The following COX7A2L variants were observed in gnomAD, a reference collection of about 807,000 sequenced individuals.
COX7A2L encodes the protein cytochrome c oxidase subunit 7A2-like, mitochondrial.
A neutral mutation model predicts 14.2 loss-of-function variants in COX7A2L; 18 were observed. The observed-to-expected ratio is 1.27, with a 90% CI of 0.88 to 1.88. COX7A2L has a LOEUF of 1.88. Ranked by LOEUF, COX7A2L falls within the 40% of genes most tolerant of loss-of-function variation. The pLI is 0.00. For synonymous variants in COX7A2L, 65 were observed against 57.4 expected, an observed-to-expected ratio of 1.13 and a Z score of -0.60; for missense variants, 179 against 138.8, an observed-to-expected ratio of 1.29 and a Z score of -1.46.
At chr2:42,337,840 ACT>A (rs1311514003) in intron 2 of COX7A2L, among the ~76,000 whole-genome samples, 4 of 151,746 alleles carry the variant, frequency 2.6e-5, no homozygotes, top group East Asian at 3.9e-4. Context: ...GCCTTTTGAA[ACT>A]CTCCCTGCAC....
At chr2:42,362,761 G>T (rs1671086474), upstream of COX7A2L, among the ~76,000 whole-genome samples, 1 of 151,680 alleles carries the variant, frequency 6.6e-6, no homozygotes, top group Non-Finnish European at 1.5e-5. Context: ...GCCCAAAGTT[G>T]CCACTTTTAC....
At chr2:42,367,942 G>A (rs1354427172) in intron 1 of COX7A2L, among the ~76,000 whole-genome samples, 3 of 152,176 alleles carry the variant, frequency 2.0e-5, no homozygotes, top group Non-Finnish European at 2.9e-5. Context: ...ATGCATATTG[G>A]AGAATAACCA....
At chr2:42,360,967 A>G in intron 1 of COX7A2L, 123 bp downstream of exon 1, 1 of 981,168 alleles carries the variant, frequency 1.0e-6, no homozygotes, top group Non-Finnish European at 1.6e-6. Context: ...GGGAGGTGCA[A>G]GGAGAACAGA....
In COX7A2L at chr2:42,351,109, T is replaced by C. The variant is rs1173921630; in HGVS notation, c.*110A>G. On this transcript the variant is annotated 3_prime_UTR_variant, in exon 3 of 3. Coordinates refer to ENST00000234301, the MANE Select transcript of COX7A2L (RefSeq NM_004718.4). The stretch of plus-strand genomic sequence containing the variant: ...TCATCTTCATATCTTCCTATTTTTC[T>C]TGCAAAAATGTTAAGCCATCCAAGT... 8 of 1,211,856 alleles carry C rather than the reference T, an allele frequency of 6.6e-6. No homozygotes were observed. In the African/African-American group the frequency reaches 1.1e-4, roughly 16 times the overall value. 75.1% of individuals were successfully genotyped at this position (1,211,856 alleles called of 1,614,324 possible).
intron 1 of COX7A2L, 185 bp downstream of exon 1, chr2:42,360,905 G>T (rs944739572): frequency 4.6e-6 from 3 of 656,202 alleles, no homozygotes; most frequent in African/African-American, 3.7e-5. Flanking sequence ...AGGTGAGCAG[G>T]TACACAAAAA....
rs1018006645 is a variant in COX7A2L, at chr2:42,342,985, G to A, written c.193-9116C>T. Among the ~76,000 whole-genome samples, 1 of 152,162 alleles carries A rather than the reference G, an allele frequency of 6.6e-6. No homozygotes were observed. The highest frequency in any genetic ancestry group is 2.4e-5 in the African/African-American group (1 of 41,430). On this transcript the variant is annotated intron_variant, in intron 2 of 2. Transcript: ENST00000468711. The surrounding 1 kb of genome is among the most constrained non-coding windows in gnomAD (Gnocchi z 4.9). ...CCAGCTTATGCAAGTGACAGTGGCT[G>A]ATGGCAGAGGAGACTGCAAGTGATC... is the stretch of plus-strand genomic sequence containing the variant.
chr2:42,355,668 G>A (rs919716606), intron 1 of COX7A2L, among the ~76,000 whole-genome samples: 1 of 127,484 alleles, frequency 7.8e-6, no homozygotes, highest in Non-Finnish European at 1.6e-5. Context: ...TTCCTCCAAT[G>A]TTTATTCAGG....
rs757125805 is a variant in COX7A2L, at chr2:42,361,107, C to A, written c.55G>T (p.Glu19Ter). 1.9e-6 allele frequency: 3 copies of A among 1,613,726 alleles called. No homozygotes were observed. Among genetic ancestry groups the A allele is most frequent in the Non-Finnish European group, 2.5e-6 (3 of 1,179,922 alleles). Residue 19 changes from glutamate (E) to a stop codon, truncating the protein, a stop_gained, in exon 1 of 3, where the codon GAG (glutamate) becomes TAG (stop). Transcript: ENST00000234301. LOFTEE classifies it high-confidence loss of function. ...TQKLAGAWAS[E>*]AYSPQGLKPV... ...ACTCGTACCTGCGGGCTATAGGCCTCCGAAGCCCATGCTCCTGCCAACTTC... is the reference window on the plus strand; with the variant it reads ...ACTCGTACCTGCGGGCTATAGGCCTACGAAGCCCATGCTCCTGCCAACTTC...
intron 1 of COX7A2L, among the ~76,000 whole-genome samples, chr2:42,366,412 A>G (rs1386519143): frequency 6.6e-6 from 1 of 152,214 alleles, no homozygotes; most frequent in African/African-American, 2.4e-5. Context: ...TGACAGAATG[A>G]GACCCTGTCT....
In COX7A2L at chr2:42,353,298, C is replaced by G. The variant is rs1466440655; in HGVS notation, c.118G>C (p.Ala40Pro). 23 of 1,613,894 alleles carry G rather than the reference C, an allele frequency of 1.4e-5. No individual in the cohort carries two copies. Among genetic ancestry groups the G allele is most frequent in the African/African-American group, 2.7e-5 (2 of 74,874 alleles). ...VSTEAPPIIFATPTKLTSDST... is the reference protein window; with the variant it reads ...VSTEAPPIIFPTPTKLTSDST... Reference sequence around the variant, plus strand: ...TCGGAGGTCAGTTTAGTTGGTGTGGCAAATATGATAGGTGGTGCTTCTGTG... The same window carrying G: ...TCGGAGGTCAGTTTAGTTGGTGTGGGAAATATGATAGGTGGTGCTTCTGTG... Residue 40 changes from alanine (A) to proline (P), a missense_variant, in exon 2 of 3, where the codon GCC (alanine) becomes CCC (proline). Ala to Pro is a conservative substitution (Grantham distance 27). Transcript: ENST00000234301.
At chr2:42,340,109 C>A (rs1299564744) in intron 2 of COX7A2L, among the ~76,000 whole-genome samples, 2 of 152,140 alleles carry the variant, frequency 1.3e-5, no homozygotes, top group East Asian at 3.9e-4. Flanking sequence ...GGATTCCTCA[C>A]CTAGAAGACC....
At chr2:42,343,881 A>C (rs1388034681) in intron 2 of COX7A2L, among the ~76,000 whole-genome samples, 1 of 152,238 alleles carries the variant, frequency 6.6e-6, no homozygotes, top group African/African-American at 2.4e-5. Context: ...CAGTGTTATC[A>C]AAGCCACACC....
chr2:42,344,789 T>C (rs1298183534), downstream of COX7A2L, among the ~76,000 whole-genome samples: 2 of 151,064 alleles, frequency 1.3e-5, no homozygotes, highest in African/African-American at 4.9e-5. Flanking sequence ...AGGCGGAGCT[T>C]GCAGTGAGCT....
In COX7A2L at chr2:42,361,211, G is replaced by C. The variant is rs1289026036; in HGVS notation, c.-50C>G. On this transcript the variant is annotated 5_prime_UTR_variant, in exon 1 of 3. Coordinates refer to ENST00000234301, the MANE Select transcript of COX7A2L (RefSeq NM_004718.4). Reference sequence around the variant, plus strand: ...ATCCGCTGCCAACGCGACCGCCCCAGAGAAGGACCCCGCCTCCCCGGCTGT... The same window carrying C: ...ATCCGCTGCCAACGCGACCGCCCCACAGAAGGACCCCGCCTCCCCGGCTGT... The C allele has an allele frequency of 1.3e-6, 2 of 1,531,118 alleles. No individual in the cohort carries two copies. The highest frequency in any genetic ancestry group is 4.7e-5 in the East Asian group (2 of 42,324). The allele number at this position is 1,531,118 out of a possible 1,614,324, so 94.8% of individuals were successfully genotyped here. A position where few individuals can be genotyped will look rare whatever the true frequency, so the allele number is the denominator to read the frequency against.
At chr2:42,364,158 G>A (rs1427586250), upstream of COX7A2L, among the ~76,000 whole-genome samples, 1 of 151,534 alleles carries the variant, frequency 6.6e-6, no homozygotes, top group East Asian at 1.9e-4. Flanking sequence ...GGCTGAGGCA[G>A]GAGAATGGCG....
downstream of COX7A2L, among the ~76,000 whole-genome samples, chr2:42,349,085 A>T (rs1403528708): frequency 7.2e-5 from 11 of 152,200 alleles, no homozygotes; most frequent in South Asian, 2.3e-3. Context: ...CAGAGTTACC[A>T]TATGACCCAG....
intron 1 of COX7A2L, among the ~76,000 whole-genome samples, chr2:42,360,370 CG>C (rs762225867): frequency 5.9e-5 from 9 of 152,270 alleles, no homozygotes; most frequent in Middle Eastern, 3.4e-3. Context: ...ACAATTAAAG[CG>C]GAAAACGCCA....
chr2:42,349,145 T>C (rs1670561382), downstream of COX7A2L, among the ~76,000 whole-genome samples: 2 of 152,198 alleles, frequency 1.3e-5, no homozygotes, highest in South Asian at 4.1e-4. Flanking sequence ...CATATGTCCA[T>C]GTAAACATAT....
In COX7A2L at chr2:42,336,434, A is replaced by G. The variant is rs550524198; in HGVS notation, c.193-2565T>C. On this transcript the variant is annotated intron_variant, in intron 2 of 2. Transcript: ENST00000468711. ...CCTTTCACCAGATCTCATTGAAGGCACTGAGAAGAAAGTGAGTGCCCGAAG... is the reference window on the plus strand; with the variant it reads ...CCTTTCACCAGATCTCATTGAAGGCGCTGAGAAGAAAGTGAGTGCCCGAAG... 2.7e-5 allele frequency among the ~76,000 whole-genome samples: 4 copies of G among 150,354 alleles called. No homozygotes were observed. The South Asian group carries it at 8.7e-4, about 33-fold the overall frequency.
Sources: gnomAD v4.1 joint callset for allele counts (sites outside exome capture counted in the v4.1 genomes callset) on GRCh38, gnomAD v4.1.1 for gene constraint, Gnocchi (gnomAD v3.1) non-coding constraint, MANE v1.5 for transcripts, NCBI Gene and HGNC (gene_info 2026-07-23, HGNC 2026-07-21) for gene names.